Variants in GALNTL6 observed in about 807,000 individuals in gnomAD.
The protein encoded by GALNTL6 is polypeptide N-acetylgalactosaminyltransferase like 6.
A neutral mutation model predicts 73.7 loss-of-function variants in GALNTL6; 46 were observed. That is an observed-to-expected ratio of 0.62 (90% CI 0.49 to 0.80). GALNTL6 has a LOEUF of 0.80. Ranked by LOEUF, GALNTL6 falls within the 30% of genes least tolerant of loss-of-function variation. GALNTL6 has a pLI of 0.00. For synonymous variants in GALNTL6, 259 were observed against 263.7 expected (o/e 0.98, Z 0.17); for missense variants, 604 against 755.0 (o/e 0.80, Z 2.34).
chr4:172,388,739 G>A (rs980707157), intron 5 of GALNTL6, among the ~76,000 whole-genome samples: 1 of 151,982 alleles, frequency 6.6e-6, no homozygotes, highest in African/African-American at 2.4e-5. Flanking sequence ...TAATATTGAT[G>A]AGAAAAAAAT....
At chr4:172,967,002 G>A (rs183127446) in intron 10 of GALNTL6, among the ~76,000 whole-genome samples, 261 of 152,292 alleles carry the variant, frequency 1.7e-3, no homozygotes, top group African/African-American at 6.0e-3. Flanking sequence ...CCTCTGTCGT[G>A]GTTTGGGAGG....
chr4:172,114,456 T>C (rs1732933935), intron 2 of GALNTL6, among the ~76,000 whole-genome samples: 1 of 152,040 alleles, frequency 6.6e-6, no homozygotes, highest in South Asian at 2.1e-4. Flanking sequence ...TGCCAGCAGG[T>C]ATATATCTAT....
At chr4:172,961,357 G>T (rs2610219) in intron 10 of GALNTL6, among the ~76,000 whole-genome samples, 63,004 of 149,778 alleles carry the variant, frequency 0.42, 13,440 homozygotes, top group East Asian at 0.47. Flanking sequence ...GGGTCGGGGG[G>T]TTCTTGCCTC....
intron 2 of GALNTL6, among the ~76,000 whole-genome samples, chr4:171,931,536 A>G (rs1333123746): frequency 6.6e-6 from 1 of 152,198 alleles, no homozygotes; most frequent in African/African-American, 2.4e-5. Flanking sequence ...CTGGTGTTCT[A>G]ATGCTGATTT....
chr4:172,410,677 T>G (rs1308149193), intron 5 of GALNTL6, among the ~76,000 whole-genome samples: 1 of 152,134 alleles, frequency 6.6e-6, no homozygotes, highest in Non-Finnish European at 1.5e-5. Context: ...CCCAGAAAAC[T>G]AACTTAATAA....
At chr4:172,122,833 C>T (rs562977522) in intron 2 of GALNTL6, among the ~76,000 whole-genome samples, 1 of 152,174 alleles carries the variant, frequency 6.6e-6, no homozygotes, top group South Asian at 2.1e-4. Context: ...GAACCCTTAC[C>T]TGCTCATGTC....
At chr4:172,787,780 C>T (rs1039665397) in intron 5 of GALNTL6, among the ~76,000 whole-genome samples, 5 of 152,164 alleles carry the variant, frequency 3.3e-5, no homozygotes, top group Admixed American at 1.3e-4. Flanking sequence ...AAGCCAAGCA[C>T]GAAGTTTCAG....
chr4:172,176,166 C>T lies in GALNTL6; in HGVS notation c.139-53490C>T, dbSNP rs556392492. Among the ~76,000 whole-genome samples the T allele has an allele frequency of 8.5e-3, 1,281 of 150,960 alleles. 22 individuals are homozygous for T. The highest frequency in any genetic ancestry group is 0.03 in the African/African-American group (1,222 of 41,120). On this transcript the variant is annotated intron_variant, in intron 2 of 12. Transcript: ENST00000506823. ...CATCCTGGCTAACACGGTGAAACCC[C>T]ATCTCTACTAAAAAATACAAAAAAT...
chr4:172,519,521 T>C (rs755849054), intron 5 of GALNTL6, among the ~76,000 whole-genome samples: 1 of 151,046 alleles, frequency 6.6e-6, no homozygotes, highest in Non-Finnish European at 1.5e-5. Flanking sequence ...TTTTTTTTTT[T>C]TAATTTACTT....
chr4:171,977,745 G>A (rs1579024955), intron 2 of GALNTL6, among the ~76,000 whole-genome samples: 1 of 152,224 alleles, frequency 6.6e-6, no homozygotes, highest in African/African-American at 2.4e-5. Context: ...CAATGCATCT[G>A]TTGCATATTG....
intron 3 of GALNTL6, among the ~76,000 whole-genome samples, chr4:172,235,514 T>A (rs1011482749): frequency 1.3e-5 from 2 of 152,226 alleles, no homozygotes; most frequent in Admixed American, 6.5e-5. Flanking sequence ...GACAAAAATT[T>A]GTCACTTTTA....
intron 2 of GALNTL6, among the ~76,000 whole-genome samples, chr4:172,039,290 C>T (rs1560896082): frequency 6.6e-6 from 1 of 152,128 alleles, no homozygotes; most frequent in African/African-American, 2.4e-5. Flanking sequence ...GTATATTTTA[C>T]ATTTTCAGAC....
intron 3 of GALNTL6, among the ~76,000 whole-genome samples, chr4:172,296,498 G>A (rs1175666350): frequency 1.3e-5 from 2 of 152,078 alleles, no homozygotes; most frequent in Non-Finnish European, 2.9e-5. Flanking sequence ...ATCTCCTAAT[G>A]ATATCCCTCC....
chr4:172,055,767 T>G (rs2110868685), intron 2 of GALNTL6, among the ~76,000 whole-genome samples: 1 of 152,288 alleles, frequency 6.6e-6, no homozygotes. Flanking sequence ...CTTTGACAAC[T>G]TCTGAGTTAA....
chr4:172,196,667 C>G (rs1226053115), intron 2 of GALNTL6, among the ~76,000 whole-genome samples: 1 of 152,168 alleles, frequency 6.6e-6, no homozygotes, highest in Non-Finnish European at 1.5e-5. Flanking sequence ...TGTAAGTTAT[C>G]ACACAAACAG....
intron 2 of GALNTL6, among the ~76,000 whole-genome samples, chr4:171,915,133 T>C (rs1737582292): frequency 6.6e-6 from 1 of 152,172 alleles, no homozygotes; most frequent in Non-Finnish European, 1.5e-5. Context: ...AAATTTCCTA[T>C]AAAAATGTAT....
intron 5 of GALNTL6, among the ~76,000 whole-genome samples, chr4:172,632,815 C>T (rs902833750): frequency 3.9e-5 from 6 of 152,190 alleles, no homozygotes; most frequent in African/African-American, 1.4e-4. Flanking sequence ...CCCAGGGACT[C>T]CTGCTCCATG....
chr4:172,455,011 A>G (rs1410021402), intron 5 of GALNTL6, among the ~76,000 whole-genome samples: 1 of 152,168 alleles, frequency 6.6e-6, no homozygotes, highest in Non-Finnish European at 1.5e-5. Context: ...CAGCTGAGGT[A>G]CCCAGCCCAT....
chr4:171,924,651 G>A (rs1164036245), intron 2 of GALNTL6, among the ~76,000 whole-genome samples: 1 of 152,134 alleles, frequency 6.6e-6, no homozygotes, highest in Non-Finnish European at 1.5e-5. Context: ...GCACTTGCCT[G>A]TCACAGGGAA....
Sources: allele counts gnomAD v4.1 joint callset (sites outside exome capture counted in the v4.1 genomes callset), GRCh38; gene constraint gnomAD v4.1.1; transcripts MANE v1.5; gene names NCBI Gene and HGNC (gene_info 2026-07-23, HGNC 2026-07-21).